PRDM6: variants seen among roughly 807,000 people sequenced by gnomAD.
PRDM6 encodes putative histone-lysine N-methyltransferase PRDM6.
In PRDM6, 25 loss-of-function variants were observed where a neutral mutation model predicts 60.8. That is an observed-to-expected ratio of 0.41 (90% CI 0.30 to 0.57). The LOEUF is 0.57. Ranked by LOEUF, PRDM6 falls within the 20% of genes least tolerant of loss-of-function variation. The pLI, the probability that PRDM6 is intolerant of heterozygous loss-of-function variation, is 0.27. For synonymous variants in PRDM6, 407 were observed against 357.4 expected (o/e 1.14, Z -1.57); for missense variants, 839 against 821.3 (o/e 1.02, Z -0.26).
chr5:123,104,349 C>CT (rs1764163841), intron 3 of PRDM6, among the ~76,000 whole-genome samples: 1 of 151,878 alleles, frequency 6.6e-6, no homozygotes, highest in Admixed American at 6.6e-5. Flanking sequence ...ATATACAGTA[C>CT]TATACCCACT....
intron 7 of PRDM6, among the ~76,000 whole-genome samples, chr5:123,185,515 A>G (rs1407473719): frequency 3.9e-5 from 6 of 152,216 alleles, no homozygotes; most frequent in Admixed American, 3.9e-4. Context: ...TAGGTGATCA[A>G]TACTTCTGAG....
At chr5:123,175,274 G>A (rs1388919027) in intron 6 of PRDM6, among the ~76,000 whole-genome samples, 1 of 151,432 alleles carries the variant, frequency 6.6e-6, no homozygotes, top group East Asian at 1.9e-4. Flanking sequence ...TCTCCTTTTT[G>A]ACTGTTTGTG....
chr5:123,095,094 G>A (rs924259718), intron 2 of PRDM6, among the ~76,000 whole-genome samples: 2 of 152,180 alleles, frequency 1.3e-5, no homozygotes, highest in African/African-American at 4.8e-5. Flanking sequence ...AAATCAATTG[G>A]CTCCCCTTCC....
chr5:123,137,797 A>G (rs1764998948), intron 3 of PRDM6, among the ~76,000 whole-genome samples: 1 of 151,982 alleles, frequency 6.6e-6, no homozygotes, highest in South Asian at 2.1e-4. Flanking sequence ...ATAAAAATAG[A>G]AAAAAATAAT....
At chr5:123,150,099 C>T (rs1354610181) in intron 3 of PRDM6, among the ~76,000 whole-genome samples, 2 of 152,184 alleles carry the variant, frequency 1.3e-5, no homozygotes, top group African/African-American at 2.4e-5. Context: ...TGAGCTCTTA[C>T]TAGATGTCCA....
rs1014238364 is a variant in PRDM6 at position 123,193,839 on chromosome 5, C to A, written c.*6638C>A. On this transcript the variant is annotated 3_prime_UTR_variant, in exon 8 of 8. Coordinates refer to ENST00000407847, the MANE Select transcript of PRDM6 (RefSeq NM_001136239.4). Reference sequence around the variant, plus strand: ...AGTTTAGGACTGTAAATGTTCCCTACTGGAATAGAAATATGTCTCTCTCCA... The same window carrying A: ...AGTTTAGGACTGTAAATGTTCCCTAATGGAATAGAAATATGTCTCTCTCCA... 16 of 152,170 alleles carry A rather than the reference C, an allele frequency of 1.1e-4. No individual in the cohort carries two copies. The highest frequency in any genetic ancestry group is 3.6e-4 in the African/African-American group (15 of 41,444). The allele number at this position is 152,170 out of a possible 1,614,324, so 9.4% of individuals were successfully genotyped here. A position where few individuals can be genotyped will look rare whatever the true frequency, so the allele number is the denominator to read the frequency against.
intron 3 of PRDM6, among the ~76,000 whole-genome samples, chr5:123,102,350 T>G (rs1764122526): frequency 6.6e-6 from 1 of 152,216 alleles, no homozygotes; most frequent in South Asian, 2.1e-4. Flanking sequence ...GATTTATTTT[T>G]ATGAAACATG....
At chr5:123,126,526 G>A (rs1764699106) in intron 3 of PRDM6, among the ~76,000 whole-genome samples, 1 of 152,016 alleles carries the variant, frequency 6.6e-6, no homozygotes, top group African/African-American at 2.4e-5. Flanking sequence ...TATGGAATTG[G>A]CCTCATGCCA....
intron 6 of PRDM6, among the ~76,000 whole-genome samples, chr5:123,172,219 G>T (rs1384679328): frequency 1.3e-5 from 2 of 152,148 alleles, no homozygotes; most frequent in African/African-American, 2.4e-5. Context: ...GATGGAGGTG[G>T]CGGGGAGAGG....
intron 7 of PRDM6, among the ~76,000 whole-genome samples, chr5:123,180,696 T>TA (rs1422281977): frequency 3.2e-4 from 49 of 152,352 alleles, no homozygotes; most frequent in African/African-American, 1.2e-3. Context: ...CAGCAAGCCT[T>TA]ACGATCATCA....
intron 3 of PRDM6, among the ~76,000 whole-genome samples, chr5:123,146,015 G>A (rs1041702549): frequency 2.0e-5 from 3 of 152,270 alleles, no homozygotes; most frequent in East Asian, 1.9e-4. Context: ...GTGTGTCTGC[G>A]CATGTATAGA....
At chr5:123,091,505 C>G (rs76191393) in intron 2 of PRDM6, among the ~76,000 whole-genome samples, 2 of 152,198 alleles carry the variant, frequency 1.3e-5, no homozygotes, top group East Asian at 3.8e-4. Context: ...ATTTGAAACG[C>G]TTATCACAAG....
At chr5:123,136,185 C>T (rs1764945374) in intron 3 of PRDM6, among the ~76,000 whole-genome samples, 2 of 152,194 alleles carry the variant, frequency 1.3e-5, no homozygotes, top group Admixed American at 6.5e-5. Flanking sequence ...AACCCCATCC[C>T]TCTCTGAAGT....
chr5:123,157,113 C>T (rs1765520626), intron 4 of PRDM6, among the ~76,000 whole-genome samples: 1 of 146,594 alleles, frequency 6.8e-6, no homozygotes, highest in East Asian at 2.0e-4. Context: ...TAACTTTCTT[C>T]CCCTTGTTGG....
chr5:123,124,174 G>A (rs577774), intron 3 of PRDM6, among the ~76,000 whole-genome samples: 133,325 of 152,102 alleles, frequency 0.88, 58,881 homozygotes, highest in East Asian at 0.99. Flanking sequence ...CTGCAGCACA[G>A]CAATCATACC....
At chr5:123,140,068 A>G (rs1765062659) in intron 3 of PRDM6, among the ~76,000 whole-genome samples, 1 of 152,166 alleles carries the variant, frequency 6.6e-6, no homozygotes, top group Non-Finnish European at 1.5e-5. Context: ...AACCATTCAA[A>G]AATTTTCTAA....
intron 1 of PRDM6, among the ~76,000 whole-genome samples, 178 bp downstream of exon 1, chr5:123,089,697 G>C (rs1013201546): frequency 3.3e-5 from 5 of 152,100 alleles, no homozygotes; most frequent in African/African-American, 1.2e-4. Context: ...TGAGGGCGGG[G>C]GCTGCGTCCT....
chr5:123,139,028 G>A (rs571448945), intron 3 of PRDM6, among the ~76,000 whole-genome samples: 24 of 152,192 alleles, frequency 1.6e-4, no homozygotes, highest in East Asian at 7.7e-4. Flanking sequence ...TTTTATAAGC[G>A]TCTGGCATTT....
chr5:123,154,597 T>G (rs1350224657), intron 3 of PRDM6, among the ~76,000 whole-genome samples: 1 of 152,236 alleles, frequency 6.6e-6, no homozygotes, highest in Non-Finnish European at 1.5e-5. Flanking sequence ...TAAGCCCGTT[T>G]GCACCCCCTC....
Sources: gnomAD v4.1 joint callset for allele counts (sites outside exome capture counted in the v4.1 genomes callset) on GRCh38, gnomAD v4.1.1 for gene constraint, MANE v1.5 for transcripts, NCBI Gene and HGNC (gene_info 2026-07-23, HGNC 2026-07-21) for gene names.